The following LOC400499 variants were observed in gnomAD, a reference collection of about 807,000 sequenced individuals.
the LOC400499 span, among the ~76,000 whole-genome samples, chr16:11,380,536 T>A: frequency 3.3e-5 from 5 of 152,076 alleles, no homozygotes; most frequent in Non-Finnish European, 5.9e-5. Flanking sequence ...CAAAAAAAAA[T>A]AAGAATAATA....
At chr16:11,449,694 T>G in the LOC400499 span, among the ~76,000 whole-genome samples, 1 of 152,224 alleles carries the variant, frequency 6.6e-6, no homozygotes, top group Non-Finnish European at 1.5e-5. Flanking sequence ...CAGAACTTCG[T>G]AACACTTTGT....
the LOC400499 span, among the ~76,000 whole-genome samples, chr16:11,486,257 AGATGGATGGATGGAGGGATG>A: frequency 4.7e-5 from 3 of 64,474 alleles, no homozygotes; most frequent in East Asian, 4.8e-4. Context: ...TTGAGTGAAT[AGATGGATGGATGGAGGGATG>A]GATGGATGGA....
the LOC400499 span, among the ~76,000 whole-genome samples, chr16:11,407,534 A>G: frequency 6.6e-6 from 1 of 152,252 alleles, no homozygotes; most frequent in African/African-American, 2.4e-5. Flanking sequence ...TAGGCCATCA[A>G]GCGTGGCCAT....
At chr16:11,466,287 A>G in the LOC400499 span, among the ~76,000 whole-genome samples, 2 of 152,214 alleles carry the variant, frequency 1.3e-5, no homozygotes, top group African/African-American at 4.8e-5. Context: ...ACTTTCTGCA[A>G]TGAGGACAAT....
the LOC400499 span, among the ~76,000 whole-genome samples, chr16:11,374,397 G>T: frequency 6.6e-6 from 1 of 152,200 alleles, no homozygotes; most frequent in Non-Finnish European, 1.5e-5. Context: ...ACAATTCAGT[G>T]TAAGTACATG....
chr16:11,443,244 AACC>A, the LOC400499 span: 112 of 309,144 alleles, frequency 3.6e-4, no homozygotes, highest in Non-Finnish European at 5.9e-4. Flanking sequence ...GAATCACTTG[AACC>A]CAGGAGGCAG....
chr16:11,464,706 G>A, the LOC400499 span, among the ~76,000 whole-genome samples: 5 of 152,186 alleles, frequency 3.3e-5, no homozygotes, highest in African/African-American at 7.2e-5. Flanking sequence ...AGAAAGTTCC[G>A]GAGTTCCGGC....
the LOC400499 span, chr16:11,404,598 C>T: frequency 5.3e-4 from 209 of 396,594 alleles, no homozygotes; most frequent in Admixed American, 9.3e-4. Flanking sequence ...CTACCCACCT[C>T]GGCCTCCCAA....
chr16:11,397,036 A>G, the LOC400499 span, among the ~76,000 whole-genome samples: 3 of 152,120 alleles, frequency 2.0e-5, no homozygotes, highest in African/African-American at 7.2e-5. Flanking sequence ...TTCCTGCACA[A>G]CGTTTACTAC....
the LOC400499 span, chr16:11,387,343 T>G: frequency 8.2e-7 from 1 of 1,224,386 alleles, no homozygotes; most frequent in Non-Finnish European, 1.0e-6. Context: ...CGAGCCTTGC[T>G]TCCCTTGGCT....
At chr16:11,415,143 C>T in the LOC400499 span, among the ~76,000 whole-genome samples, 5 of 152,208 alleles carry the variant, frequency 3.3e-5, no homozygotes, top group African/African-American at 9.7e-5. Flanking sequence ...CCACCTGCAG[C>T]CACCTGGCCC....
chr16:11,496,316 C>G, the LOC400499 span, among the ~76,000 whole-genome samples: 1 of 152,184 alleles, frequency 6.6e-6, no homozygotes. Flanking sequence ...ATCTGCCCAC[C>G]TCAGCCTCCC....
chr16:11,449,505 C>G, the LOC400499 span, among the ~76,000 whole-genome samples: 3 of 152,160 alleles, frequency 2.0e-5, no homozygotes, highest in African/African-American at 7.2e-5. Context: ...TGGGTGTCAT[C>G]TGGCTCGTTT....
the LOC400499 span, chr16:11,500,915 G>A: frequency 1.0e-5 from 4 of 399,024 alleles, no homozygotes; most frequent in Non-Finnish European, 4.4e-6. Flanking sequence ...GTTCCTTCAT[G>A]AGGCCCACAC....
the LOC400499 span, among the ~76,000 whole-genome samples, chr16:11,372,991 A>G: frequency 3.9e-5 from 6 of 152,222 alleles, no homozygotes; most frequent in Non-Finnish European, 7.3e-5. Context: ...TGGAAATTGA[A>G]CAAGCATCTG....
chr16:11,525,800 G>C, the LOC400499 span, among the ~76,000 whole-genome samples: 2 of 151,926 alleles, frequency 1.3e-5, no homozygotes, highest in African/African-American at 4.8e-5. Flanking sequence ...CTGAACGCTT[G>C]AACACATTTA....
the LOC400499 span, among the ~76,000 whole-genome samples, chr16:11,523,917 C>T: frequency 1.4e-5 from 2 of 138,892 alleles, no homozygotes; most frequent in East Asian, 2.2e-4. Flanking sequence ...CCCCCACCCC[C>T]ACTCCTATCC....
chr16:11,408,404 T>G, the LOC400499 span, among the ~76,000 whole-genome samples: 1 of 151,826 alleles, frequency 6.6e-6, no homozygotes, highest in Non-Finnish European at 1.5e-5. Flanking sequence ...ATTAGGAGGA[T>G]GTTTTGCAAA....
At chr16:11,384,339 G>A in the LOC400499 span, 4 of 1,222,808 alleles carry the variant, frequency 3.3e-6, no homozygotes, top group African/African-American at 4.7e-5. Context: ...TGGGGAAGAG[G>A]GAAGCGGAGG....
Sources: allele counts gnomAD v4.1 joint callset (sites outside exome capture counted in the v4.1 genomes callset), GRCh38; gene constraint gnomAD v4.1.1; transcripts MANE v1.5.